Variants in INPP4B observed in about 807,000 individuals in gnomAD.
INPP4B encodes the protein inositol polyphosphate-4-phosphatase type II B, also known as inositol polyphosphate 4-phosphatase type II.
INPP4B carries 55 observed loss-of-function variants against 122.5 expected under a neutral mutation model. That is an observed-to-expected ratio of 0.45 (90% CI 0.36 to 0.56). INPP4B has a LOEUF of 0.56. Ranked by LOEUF, INPP4B falls within the 20% of genes least tolerant of loss-of-function variation. The probability of loss-of-function intolerance (pLI) is 0.00; values close to 1 mark genes in which losing one functional copy is unlikely to be tolerated. For synonymous variants in INPP4B, 403 were observed against 388.7 expected (o/e 1.04, Z -0.43); for missense variants, 1,000 against 1,097.7 (o/e 0.91, Z 1.26).
intron 5 of INPP4B, chr4:142,423,822 A>T (rs779090028): frequency 3.5e-5 from 10 of 288,940 alleles, no homozygotes; most frequent in South Asian, 1.2e-4. Flanking sequence ...AATTTCCTAT[A>T]AAAAAAAAAA....
chr4:142,598,152 C>T (rs576121057), intron 2 of INPP4B, among the ~76,000 whole-genome samples: 1 of 152,260 alleles, frequency 6.6e-6, no homozygotes, highest in Non-Finnish European at 1.5e-5. Context: ...AAGCATGCAG[C>T]CAGCTCAGTT....
chr4:142,505,052 T>C (rs1035201438), intron 2 of INPP4B, among the ~76,000 whole-genome samples: 3 of 151,976 alleles, frequency 2.0e-5, no homozygotes, highest in Non-Finnish European at 4.4e-5. Context: ...CTGGACAACA[T>C]AGTGAGACCC....
chr4:142,611,788 C>T (rs1022593056), intron 2 of INPP4B, among the ~76,000 whole-genome samples: 1 of 151,596 alleles, frequency 6.6e-6, no homozygotes, highest in Non-Finnish European at 1.5e-5. Flanking sequence ...CCTGCCTCAG[C>T]CTCCCAAGCA....
chr4:142,619,460 C>A (rs375619601), intron 2 of INPP4B, among the ~76,000 whole-genome samples: 1 of 151,982 alleles, frequency 6.6e-6, no homozygotes, highest in South Asian at 2.1e-4. Context: ...ACCTTGAAGA[C>A]ATTATGCTAT....
intron 1 of INPP4B, among the ~76,000 whole-genome samples, chr4:142,742,154 T>C (rs1234736115): frequency 1.3e-5 from 2 of 151,914 alleles, no homozygotes; most frequent in Admixed American, 1.3e-4. Context: ...CTCCTATTGA[T>C]AATTGTCCTC....
intron 1 of INPP4B, among the ~76,000 whole-genome samples, chr4:142,823,028 G>C (rs957104140): frequency 1.3e-5 from 2 of 152,098 alleles, no homozygotes; most frequent in African/African-American, 4.8e-5. Flanking sequence ...TCATAGCAAA[G>C]GACAAACAAA....
intron 7 of INPP4B, among the ~76,000 whole-genome samples, chr4:142,367,899 C>G (rs1033741744): frequency 6.6e-6 from 1 of 152,080 alleles, no homozygotes; most frequent in Non-Finnish European, 1.5e-5. Flanking sequence ...AGGCAATAAA[C>G]CATGGGTATA....
chr4:142,827,599 C>T (rs1781600064), intron 1 of INPP4B, among the ~76,000 whole-genome samples: 1 of 152,112 alleles, frequency 6.6e-6, no homozygotes, highest in East Asian at 1.9e-4. Flanking sequence ...TTGTCTATAG[C>T]ATGAAGGTAG....
intron 1 of INPP4B, among the ~76,000 whole-genome samples, chr4:142,760,318 A>G (rs190689284): frequency 5.3e-5 from 8 of 152,304 alleles, no homozygotes; most frequent in African/African-American, 1.9e-4. Flanking sequence ...GGGGAGGACA[A>G]AACATCTTTT....
intron 7 of INPP4B, among the ~76,000 whole-genome samples, chr4:142,388,556 C>A (rs967311604): frequency 6.6e-6 from 1 of 152,034 alleles, no homozygotes; most frequent in Non-Finnish European, 1.5e-5. Flanking sequence ...CCTCATGGAA[C>A]CCTAGGAATT....
intron 12 of INPP4B, among the ~76,000 whole-genome samples, chr4:142,230,643 CAAAAAAAA>C (rs11309327): frequency 3.8e-5 from 3 of 79,588 alleles, no homozygotes; most frequent in African/African-American, 1.4e-4. Flanking sequence ...AACTCCACCT[CAAAAAAAA>C]AAAAAAAAAA....
At chr4:142,746,733 CT>C (rs1194458011) in intron 1 of INPP4B, among the ~76,000 whole-genome samples, 1 of 152,128 alleles carries the variant, frequency 6.6e-6, no homozygotes, top group Non-Finnish European at 1.5e-5. Context: ...CTACAACCAT[CT>C]GCTCTTTGAC....
At chr4:142,163,544 T>G (rs1821173420) in intron 16 of INPP4B, among the ~76,000 whole-genome samples, 1 of 151,918 alleles carries the variant, frequency 6.6e-6, no homozygotes, top group Admixed American at 6.6e-5. Flanking sequence ...AAGAAGATAT[T>G]TTGAGAGAGA....
intron 16 of INPP4B, among the ~76,000 whole-genome samples, 166 bp downstream of exon 16, chr4:142,173,466 A>C (rs903967680): frequency 7.9e-5 from 12 of 151,950 alleles, no homozygotes; most frequent in African/African-American, 2.9e-4. Flanking sequence ...TGAACAGAGA[A>C]TGAGGCCAAT....
chr4:142,136,205 C>T (rs1370468704), intron 18 of INPP4B, among the ~76,000 whole-genome samples: 1 of 152,102 alleles, frequency 6.6e-6, no homozygotes, highest in Admixed American at 6.5e-5. Context: ...CACTGGCACC[C>T]AGGCATGTTG....
At chr4:142,241,259 T>A (rs896063572) in intron 11 of INPP4B, among the ~76,000 whole-genome samples, 2 of 152,118 alleles carry the variant, frequency 1.3e-5, no homozygotes, top group African/African-American at 2.4e-5. Flanking sequence ...TGCCATACAA[T>A]TGCTAAAAAT....
intron 3 of INPP4B, among the ~76,000 whole-genome samples, chr4:142,440,812 A>G (rs1405961645): frequency 6.6e-6 from 1 of 152,228 alleles, no homozygotes. Flanking sequence ...AATAGTTACT[A>G]TGGTGGAACA....
At chr4:142,627,233 A>G (rs1746661358) in intron 2 of INPP4B, among the ~76,000 whole-genome samples, 1 of 151,914 alleles carries the variant, frequency 6.6e-6, no homozygotes, top group Non-Finnish European at 1.5e-5. Context: ...TCCTAATTGA[A>G]TACCCTTTAT....
intron 2 of INPP4B, among the ~76,000 whole-genome samples, chr4:142,643,190 A>T (rs1433387228): frequency 6.6e-6 from 1 of 152,104 alleles, no homozygotes; most frequent in Non-Finnish European, 1.5e-5. Context: ...GGGTTTTCTA[A>T]ATATACAATC....
Sources: gnomAD v4.1 joint callset for allele counts (sites outside exome capture counted in the v4.1 genomes callset) on GRCh38, gnomAD v4.1.1 for gene constraint, MANE v1.5 for transcripts, NCBI Gene and HGNC (gene_info 2026-07-23, HGNC 2026-07-21) for gene names.